The following HOOK3 variants were observed in gnomAD, a reference collection of about 807,000 sequenced individuals.
HOOK3 encodes protein Hook homolog 3.
A neutral mutation model predicts 116.3 loss-of-function variants in HOOK3; 24 were observed. The observed-to-expected ratio is 0.21, with a 90% CI of 0.15 to 0.29. The LOEUF (loss-of-function observed/expected upper bound fraction) is 0.29, where lower values mean the gene tolerates loss of function less well. Among genes scored for constraint, HOOK3 ranks in the 10% least tolerant of loss-of-function variants. HOOK3 has a pLI of 1.00. For synonymous variants in HOOK3, 275 were observed against 283.0 expected (o/e 0.97, Z 0.28); for missense variants, 632 against 830.2 (o/e 0.76, Z 2.93).
In HOOK3 at chr8:42,899,775, CAG is replaced by C. The variant is rs1807146702; in HGVS notation, c.57+2588_57+2589del. Among the ~76,000 whole-genome samples the C allele has an allele frequency of 6.6e-5, 10 of 152,312 alleles. 1 individual carries two copies. The South Asian group carries it at 2.1e-3, about 32-fold the overall frequency. On this transcript the variant is annotated intron_variant, in intron 1 of 21. Coordinates refer to ENST00000307602, the MANE Select transcript of HOOK3 (RefSeq NM_032410.4). Reference sequence around the variant, plus strand: ...CACTCAGCAAAATGCAGACAACTGTCAGTGACAGACAAGATCTAAGAGCTGAA... The same window carrying C: ...CACTCAGCAAAATGCAGACAACTGTCTGACAGACAAGATCTAAGAGCTGAA...
chr8:42,945,503 G>A (rs1018974341), intron 5 of HOOK3, among the ~76,000 whole-genome samples: 1 of 152,018 alleles, frequency 6.6e-6, no homozygotes, highest in African/African-American at 2.4e-5. Flanking sequence ...TAGAGGCAGG[G>A]TTTCATCATG....
chr8:42,903,469 C>G (rs993797572), intron 1 of HOOK3, among the ~76,000 whole-genome samples: 2 of 150,204 alleles, frequency 1.3e-5, no homozygotes, highest in African/African-American at 4.9e-5. Flanking sequence ...TTCAGCCTCC[C>G]GAGTAGCTGG....
intron 1 of HOOK3, among the ~76,000 whole-genome samples, chr8:42,900,926 A>G (rs552809865): frequency 3.3e-5 from 5 of 152,356 alleles, no homozygotes; most frequent in African/African-American, 1.2e-4. Flanking sequence ...TTGTATTTCT[A>G]ATAGGTTCCC....
intron 13 of HOOK3, among the ~76,000 whole-genome samples, chr8:42,980,604 G>A (rs1808920440): frequency 6.6e-6 from 1 of 152,044 alleles, no homozygotes; most frequent in Admixed American, 6.6e-5. Context: ...ATAAGAAAAA[G>A]AGGGCCTGGT....
chr8:42,909,071 A>G (rs903276876), intron 2 of HOOK3, among the ~76,000 whole-genome samples: 5 of 152,236 alleles, frequency 3.3e-5, no homozygotes, highest in Admixed American at 3.3e-4. Context: ...CTCATCACTG[A>G]TCACCAGGGA....
chr8:42,950,969 G>A (rs542153596), intron 6 of HOOK3, among the ~76,000 whole-genome samples: 2 of 152,162 alleles, frequency 1.3e-5, no homozygotes, highest in South Asian at 2.1e-4. Context: ...ACAGGCGTGA[G>A]CCATCACGCC....
At chr8:42,947,573 A>G (rs1808253054) in intron 5 of HOOK3, among the ~76,000 whole-genome samples, 2 of 152,226 alleles carry the variant, frequency 1.3e-5, no homozygotes, top group Non-Finnish European at 2.9e-5. Context: ...TAAATGATGG[A>G]AACTTATTGA....
rs916662262 is a variant in HOOK3, at chr8:42,943,536, A to G, written c.400+91A>G. On this transcript the variant is annotated intron_variant, in intron 5 of 21. Coordinates refer to ENST00000307602, the MANE Select transcript of HOOK3 (RefSeq NM_032410.4). ...TTATATATAAATCACCAGTACCAAC[A>G]GTAACATCTGTTTAAGGTCACCCCC... 8 of 842,468 alleles carry G rather than the reference A, an allele frequency of 9.5e-6. No homozygotes were observed. The African/African-American group carries it at 1.2e-4, about 13-fold the overall frequency. 52.2% of individuals were successfully genotyped at this position (842,468 alleles called of 1,614,324 possible).
chr8:42,958,563 G>A (rs1297541895), intron 7 of HOOK3, among the ~76,000 whole-genome samples: 3 of 134,322 alleles, frequency 2.2e-5, no homozygotes, highest in Admixed American at 7.3e-5. Flanking sequence ...AATTTTCGTC[G>A]TATTCTAACT....
Position 42,966,624 on chromosome 8 carries a change from C to T in HOOK3, c.920+11C>T. ...GATCGACGTGCTGAGGTAAAAACCTCACCTTCACCGCCCAGCACAGTTTGG... is the reference window on the plus strand; with the variant it reads ...GATCGACGTGCTGAGGTAAAAACCTTACCTTCACCGCCCAGCACAGTTTGG... On this transcript the variant is annotated intron_variant, in intron 10 of 21. Transcript: ENST00000307602. 6.2e-7 allele frequency: 1 copy of T among 1,613,696 alleles called. No homozygotes were observed. The highest frequency in any genetic ancestry group is 8.5e-7 in the Non-Finnish European group (1 of 1,179,690).
At chr8:42,997,741 A>G (rs762648101) in intron 16 of HOOK3, 104 bp downstream of exon 16, 29 of 724,878 alleles carry the variant, frequency 4.0e-5, no homozygotes, top group Non-Finnish European at 6.9e-5. Flanking sequence ...TTAGTATTAT[A>G]TTGGTTATAG....
intron 2 of HOOK3, among the ~76,000 whole-genome samples, chr8:42,915,872 C>T (rs1198820316): frequency 1.3e-5 from 2 of 152,172 alleles, no homozygotes; most frequent in Non-Finnish European, 1.5e-5. Context: ...TTTAGTAAAT[C>T]AGATTTGCTC....
chr8:42,998,003 T>C (rs1195879507), intron 16 of HOOK3: 1 of 248,914 alleles, frequency 4.0e-6, no homozygotes, highest in Non-Finnish European at 7.8e-6. Flanking sequence ...AAATTTTTAA[T>C]GTAACAGTGA....
intron 1 of HOOK3, among the ~76,000 whole-genome samples, chr8:42,905,815 G>C (rs1012355757): frequency 1.3e-5 from 2 of 151,474 alleles, no homozygotes; most frequent in African/African-American, 4.8e-5. Context: ...GCCAGGTGCG[G>C]TGGCTCACAC....
intron 6 of HOOK3, among the ~76,000 whole-genome samples, chr8:42,952,662 A>G (rs766518886): frequency 2.6e-5 from 4 of 152,220 alleles, no homozygotes; most frequent in South Asian, 2.1e-4. Flanking sequence ...GACAACTCCT[A>G]TCTCTAGGGA....
intron 4 of HOOK3, among the ~76,000 whole-genome samples, chr8:42,936,194 T>C (rs1807967249): frequency 6.6e-6 from 1 of 152,242 alleles, no homozygotes; most frequent in Non-Finnish European, 1.5e-5. Flanking sequence ...GTTATTTGTC[T>C]GTTATTGGTG....
At chr8:42,966,059 G>A (rs1808626475) in intron 9 of HOOK3, among the ~76,000 whole-genome samples, 1 of 152,008 alleles carries the variant, frequency 6.6e-6, no homozygotes, top group African/African-American at 2.4e-5. Context: ...ATATAAAACA[G>A]TGCCACTCTT....
At chr8:42,929,856 T>C (rs913010097) in intron 3 of HOOK3, among the ~76,000 whole-genome samples, 1 of 152,186 alleles carries the variant, frequency 6.6e-6, no homozygotes, top group Non-Finnish European at 1.5e-5. Context: ...TTAAGTCTCA[T>C]TCAGTTACCC....
At chr8:42,903,571 C>T (rs1807239637) in intron 1 of HOOK3, among the ~76,000 whole-genome samples, 1 of 150,720 alleles carries the variant, frequency 6.6e-6, no homozygotes, top group Admixed American at 6.6e-5. Flanking sequence ...GTCTCATCTC[C>T]TGACCTCGTG....
Sources: allele counts gnomAD v4.1 joint callset (sites outside exome capture counted in the v4.1 genomes callset), GRCh38; gene constraint gnomAD v4.1.1; transcripts MANE v1.5; gene names NCBI Gene and HGNC (gene_info 2026-07-23, HGNC 2026-07-21).